FGGY: variants seen among roughly 807,000 people sequenced by gnomAD.
FGGY encodes FGGY carbohydrate kinase domain-containing protein.
Under a neutral mutation model 71.3 loss-of-function variants are expected in FGGY, and 72 were observed. The observed-to-expected ratio is 1.01, with a 90% CI of 0.84 to 1.23. FGGY has a LOEUF of 1.23. FGGY is among the 50% of genes most tolerant of loss of function. The pLI is 0.00. For synonymous variants in FGGY, 251 were observed against 250.3 expected (o/e 1.00, Z -0.02); for missense variants, 668 against 682.3 (o/e 0.98, Z 0.23).
At chr1:59,697,814 C>A in intron 14 of FGGY, 2 of 743,498 alleles carry the variant, frequency 2.7e-6, no homozygotes, top group Non-Finnish European at 3.7e-6. Context: ...TTTGTTTCTT[C>A]TGCCCAAGGC....
chr1:59,693,530 G>C (rs1441524871), intron 14 of FGGY, among the ~76,000 whole-genome samples: 1 of 152,168 alleles, frequency 6.6e-6, no homozygotes, highest in Non-Finnish European at 1.5e-5. Context: ...TAATGGTAGT[G>C]GTGGTGGAGA....
intron 8 of FGGY, among the ~76,000 whole-genome samples, chr1:59,570,812 A>G (rs1445638253): frequency 6.6e-6 from 1 of 152,190 alleles, no homozygotes; most frequent in Non-Finnish European, 1.5e-5. Flanking sequence ...CACAGATGAA[A>G]GATGATGATG....
chr1:59,373,589 G>A (rs558666464), intron 4 of FGGY, among the ~76,000 whole-genome samples: 4,281 of 152,092 alleles, frequency 0.028, 220 homozygotes, highest in African/African-American at 0.098. Flanking sequence ...AAAAGAGCCC[G>A]CATCCCCAAG....
Position 59,512,440 on chromosome 1 carries a change from G to T in FGGY, c.799+1G>T. ...ATTGATGCCCATGCAGGAGGACTAG[G>T]TAATCTCTTATTTGTTGCCTACAGC... On this transcript the variant is annotated splice_donor_variant, in intron 7 of 15. Coordinates refer to ENST00000303721, the MANE Select transcript of FGGY (RefSeq NM_018291.5). LOFTEE classifies it high-confidence loss of function. 1 of 1,612,628 alleles carries T rather than the reference G, an allele frequency of 6.2e-7. No individual in the cohort carries two copies. The highest frequency in any genetic ancestry group is 8.5e-7 in the Non-Finnish European group (1 of 1,179,214).
chr1:59,446,493 C>G (rs2071276623), intron 5 of FGGY, among the ~76,000 whole-genome samples: 1 of 152,200 alleles, frequency 6.6e-6, no homozygotes, highest in African/African-American at 2.4e-5. Context: ...GGCCTGAAAT[C>G]TGACAGCTCT....
At chr1:59,456,892 A>C in intron 5 of FGGY, 69 bp from the exon 6 acceptor site, 195 of 959,026 alleles carry the variant, frequency 2.0e-4, no homozygotes, top group Non-Finnish European at 3.0e-4. Context: ...CTGGACGGGT[A>C]TTTTGCAAAA....
chr1:59,758,704 C>T (rs1287897620), intron 15 of FGGY, among the ~76,000 whole-genome samples: 1 of 152,158 alleles, frequency 6.6e-6, no homozygotes, highest in Non-Finnish European at 1.5e-5. Flanking sequence ...ATAACATGTA[C>T]AGTTATAAAA....
chr1:59,718,309 CATT>C (rs2097859576), intron 14 of FGGY, among the ~76,000 whole-genome samples: 1 of 152,166 alleles, frequency 6.6e-6, no homozygotes, highest in Non-Finnish European at 1.5e-5. Context: ...TTTATTAACA[CATT>C]ATTATGATAG....
chr1:59,636,329 G>A (rs1314171931), intron 10 of FGGY, among the ~76,000 whole-genome samples: 1 of 152,050 alleles, frequency 6.6e-6, no homozygotes, highest in African/African-American at 2.4e-5. Flanking sequence ...GTTTAATAAA[G>A]GAGTTCTACT....
Position 59,580,164 on chromosome 1 carries a change from A to T in FGGY, c.903+25937A>T, listed in dbSNP as rs374611946. 1.9e-3 allele frequency among the ~76,000 whole-genome samples: 285 copies of T among 152,060 alleles called. 1 individual carries two copies. The highest frequency in any genetic ancestry group is 6.5e-3 in the African/African-American group (271 of 41,464). The stretch of plus-strand genomic sequence containing the variant: ...CCTTCACTCACTGCTTAACCTCTCT[A>T]TCCTTCTTTATTTTTCTACACACAG... On this transcript the variant is annotated intron_variant, in intron 8 of 15. Transcript: ENST00000303721.
intron 14 of FGGY, among the ~76,000 whole-genome samples, chr1:59,686,288 T>A (rs895536650): frequency 6.6e-6 from 1 of 152,160 alleles, no homozygotes; most frequent in Non-Finnish European, 1.5e-5. Flanking sequence ...GAGTGTCTCA[T>A]AGTACCTCAG....
At chr1:59,538,258 G>T (rs1451810632) in intron 7 of FGGY, among the ~76,000 whole-genome samples, 1 of 151,890 alleles carries the variant, frequency 6.6e-6, no homozygotes. Context: ...CACCATCACT[G>T]GCCATCAGAG....
Position 59,638,283 on chromosome 1 carries a change from C to T in FGGY, c.1129C>T (p.Gln377Ter), listed in dbSNP as rs1239189657. 1.2e-6 allele frequency: 2 copies of T among 1,614,216 alleles called. No homozygotes were observed. Among genetic ancestry groups the T allele is most frequent in the Non-Finnish European group, 1.7e-6 (2 of 1,180,026 alleles). Residue 377 changes from glutamine to a stop codon, truncating the protein, a stop_gained, in exon 11 of 16, where the codon CAG (glutamine) becomes TAG (stop). Transcript: ENST00000303721. LOFTEE classifies it high-confidence loss of function. The part of the protein sequence containing the change: ...NSHLDLIKKA[Q>*]PVGFLTVDLH... ...TCACCTGGATCTGATTAAGAAGGCTCAGCCTGTGGGTTTCCTTACTGTTGA... is the reference window on the plus strand; with the variant it reads ...TCACCTGGATCTGATTAAGAAGGCTTAGCCTGTGGGTTTCCTTACTGTTGA...
intron 6 of FGGY, among the ~76,000 whole-genome samples, chr1:59,484,196 A>G (rs2093589805): frequency 6.6e-6 from 1 of 152,154 alleles, no homozygotes; most frequent in Non-Finnish European, 1.5e-5. Flanking sequence ...TGACTCCAAA[A>G]TCTCATGCTT....
chr1:59,486,236 A>G (rs72915643), intron 6 of FGGY, among the ~76,000 whole-genome samples: 1 of 152,176 alleles, frequency 6.6e-6, no homozygotes. Context: ...AAGAAGAGCC[A>G]AGGAACAGCA....
intron 1 of FGGY, among the ~76,000 whole-genome samples, chr1:59,317,447 A>T (rs1413811520): frequency 6.6e-6 from 1 of 152,216 alleles, no homozygotes; most frequent in African/African-American, 2.4e-5. Context: ...CACGATGATG[A>T]TCCTTATCCT....
chr1:59,334,309 G>A (rs1321743790), intron 2 of FGGY, among the ~76,000 whole-genome samples: 2 of 151,896 alleles, frequency 1.3e-5, no homozygotes, highest in East Asian at 3.9e-4. Context: ...CACCTGGCTA[G>A]TTTTTGTATT....
At chr1:59,607,722 G>A in intron 8 of FGGY, 81 bp from the exon 9 acceptor site, 2 of 1,093,776 alleles carry the variant, frequency 1.8e-6, no homozygotes, top group South Asian at 1.4e-5. Flanking sequence ...GAATTCCATG[G>A]TCATAGAAAT....
chr1:59,602,465 A>T (rs1365300124), intron 8 of FGGY, among the ~76,000 whole-genome samples: 1 of 152,250 alleles, frequency 6.6e-6, no homozygotes, highest in Non-Finnish European at 1.5e-5. Context: ...GGCTCATTTC[A>T]GTGGGTTTTT....
Sources: allele counts gnomAD v4.1 joint callset (sites outside exome capture counted in the v4.1 genomes callset), GRCh38; gene constraint gnomAD v4.1.1; transcripts MANE v1.5; gene names NCBI Gene and HGNC (gene_info 2026-07-23, HGNC 2026-07-21).